HERC2: variants seen among roughly 807,000 people sequenced by gnomAD.
The protein encoded by HERC2 is E3 ubiquitin-protein ligase HERC2.
Under a neutral mutation model 537.7 loss-of-function variants are expected in HERC2, and 102 were observed. That is an observed-to-expected ratio of 0.19 (90% confidence interval 0.16 to 0.22). HERC2 has a LOEUF of 0.22. Among genes scored for constraint, HERC2 ranks in the 10% least tolerant of loss-of-function variants. HERC2 has a pLI of 1.00. For synonymous variants in HERC2, 2,224 were observed against 2,466.2 expected (o/e 0.90, Z 2.91); for missense variants, 4,236 against 6,198.2 (o/e 0.68, Z 10.63).
intron 4 of HERC2, among the ~76,000 whole-genome samples, chr15:28,286,527 T>C (rs1212412086): frequency 1.3e-5 from 2 of 152,144 alleles, no homozygotes; most frequent in Admixed American, 6.5e-5. Context: ...TACATATCAA[T>C]TGATTTAGAA....
intron 48 of HERC2, 128 bp from the exon 49 acceptor site, chr15:28,198,897 T>A: frequency 1.1e-6 from 1 of 885,432 alleles, no homozygotes; most frequent in East Asian, 2.5e-5. Flanking sequence ...TCTGTAATCC[T>A]AGCACTTTGG....
chr15:28,113,511 T>C lies in HERC2; in HGVS notation c.14019+62A>G. The C allele has an allele frequency of 1.4e-6, 2 of 1,407,094 alleles. No homozygotes were observed. The highest frequency in any genetic ancestry group is 2.0e-6 in the Non-Finnish European group (2 of 993,334). 87.2% of individuals were successfully genotyped at this position (1,407,094 alleles called of 1,614,324 possible). On this transcript the variant is annotated intron_variant, in intron 91 of 92. Transcript: ENST00000261609. The surrounding 1 kb of genome is among the most constrained non-coding windows in gnomAD (Gnocchi z 7.0). Reference sequence around the variant, plus strand: ...AGGTTCTGACTCTAACTGCTGTCACTGATTTGTGGGTCAGCAGGCAAAAGG... The same window carrying C: ...AGGTTCTGACTCTAACTGCTGTCACCGATTTGTGGGTCAGCAGGCAAAAGG...
At chr15:28,218,710 G>A (rs1900192946) in intron 37 of HERC2, 39 bp from the exon 38 acceptor site, 1 of 1,489,264 alleles carries the variant, frequency 6.7e-7, no homozygotes, top group African/African-American at 1.4e-5. Context: ...ATATTCCCAA[G>A]TAAAACTGGA....
At chr15:28,143,786 T>C in intron 74 of HERC2, 87 bp downstream of exon 74, 2 of 1,545,010 alleles carry the variant, frequency 1.3e-6, no homozygotes, top group South Asian at 1.2e-5. Flanking sequence ...CCAACTCCTC[T>C]CAACGATTTA....
intron 65 of HERC2, among the ~76,000 whole-genome samples, chr15:28,174,075 G>T (rs182440569): frequency 2.3e-3 from 347 of 152,066 alleles, no homozygotes; most frequent in African/African-American, 8.0e-3. Context: ...ACTGAATAAA[G>T]CTGTTAAAAA....
chr15:28,149,104 A>G (rs1171438558), intron 70 of HERC2, among the ~76,000 whole-genome samples: 1 of 152,004 alleles, frequency 6.6e-6, no homozygotes. Context: ...GAACAGCCAC[A>G]CGAACGTATA....
chr15:28,319,438 G>C (rs199863569), intron 2 of HERC2, among the ~76,000 whole-genome samples: 1 of 147,506 alleles, frequency 6.8e-6, no homozygotes, highest in South Asian at 2.2e-4. Flanking sequence ...AAAATTAGTC[G>C]GGCATGCATG....
At chr15:28,172,658 T>C (rs1894812411) in intron 65 of HERC2, among the ~76,000 whole-genome samples, 1 of 152,206 alleles carries the variant, frequency 6.6e-6, no homozygotes, top group Admixed American at 6.5e-5. Context: ...ACTACAAAAC[T>C]TCTATAACAG....
chr15:28,295,187 T>C (rs2076428685), intron 3 of HERC2, among the ~76,000 whole-genome samples: 1 of 151,572 alleles, frequency 6.6e-6, no homozygotes, highest in Non-Finnish European at 1.5e-5. Flanking sequence ...TAAAACAGCC[T>C]CCAGTTTACC....
At chr15:28,295,308 T>TTTGG (rs1555455007) in intron 3 of HERC2, among the ~76,000 whole-genome samples, 1 of 79,622 alleles carries the variant, frequency 1.3e-5, no homozygotes, top group African/African-American at 4.8e-5. Context: ...TACATGTGTG[T>TTTGG]GGGGGGGGGG....
At chr15:28,260,232 C>T in intron 16 of HERC2, among the ~76,000 whole-genome samples, 1 of 151,790 alleles carries the variant, frequency 6.6e-6, no homozygotes, top group African/African-American at 2.4e-5. Flanking sequence ...TCATGTAATA[C>T]ACCATACTAA....
intron 89 of HERC2, chr15:28,115,178 C>T: frequency 1.9e-6 from 1 of 516,424 alleles, no homozygotes; most frequent in Non-Finnish European, 3.4e-6. Context: ...TGCCCAAAAG[C>T]TCAGCTTCTT....
At position 28,248,693 on chromosome 15, in the gene HERC2, G is replaced by A. The variant is rs551507679; in HGVS notation, c.3094C>T (p.Arg1032Cys). 50 of 1,613,964 alleles carry A rather than the reference G, an allele frequency of 3.1e-5. No individual in the cohort carries two copies. The highest frequency in any genetic ancestry group is 1.9e-4 in the South Asian group (17 of 91,072). Residue 1032 changes from arginine to cysteine, a missense_variant, in exon 21 of 93, where the codon CGT (arginine) becomes TGT (cysteine). By Grantham distance (180) the Arg-to-Cys change is radical (BLOSUM62 -3). Transcript: ENST00000261609. ...AAGTCCAGACATGATGAAATCCGAC[G>A]GGCAACATCTTTCAATCTGGCTACA... ...QTVARLKDVARRISSCLDFEQ... is the reference protein window; with the variant it reads ...QTVARLKDVACRISSCLDFEQ...
At chr15:28,162,124 G>A (rs969379022) in intron 69 of HERC2, among the ~76,000 whole-genome samples, 1 of 152,180 alleles carries the variant, frequency 6.6e-6, no homozygotes, top group Non-Finnish European at 1.5e-5. Flanking sequence ...GAGGTCAGCA[G>A]TTCCAGACCA....
intron 2 of HERC2, among the ~76,000 whole-genome samples, chr15:28,307,834 G>T (rs1596456231): frequency 6.6e-6 from 1 of 152,274 alleles, no homozygotes; most frequent in Middle Eastern, 3.4e-3. Context: ...GTATGTTCTT[G>T]GTACCTTTGT....
Position 28,130,599 on chromosome 15 carries a change from A to AG in HERC2, c.12571-6dup, listed in dbSNP as rs1424417544. The AG allele has an allele frequency of 4.4e-6, 7 of 1,602,780 alleles. No homozygotes were observed. The African/African-American group carries it at 5.4e-5, about 12-fold the overall frequency. On this transcript the variant is annotated splice_polypyrimidine_tract_variant and splice_region_variant and intron_variant, in intron 81 of 92. Coordinates refer to ENST00000261609, the MANE Select transcript of HERC2 (RefSeq NM_004667.6). ...AAGACCAGTAAGAGAATCAATCTAGAGGGGGAAAAGGTTCAATTAGACAGA... is the reference window on the plus strand; with the variant it reads ...AAGACCAGTAAGAGAATCAATCTAGAGGGGGGAAAAGGTTCAATTAGACAGA...
intron 65 of HERC2, among the ~76,000 whole-genome samples, chr15:28,173,723 A>C (rs556754732): frequency 6.7e-6 from 1 of 150,148 alleles, no homozygotes; most frequent in South Asian, 2.2e-4. Context: ...GGATCACTTG[A>C]GCCCAGGAGG....
intron 79 of HERC2, among the ~76,000 whole-genome samples, chr15:28,133,921 A>C (rs8039411): frequency 6.6e-6 from 1 of 152,200 alleles, no homozygotes; most frequent in African/African-American, 2.4e-5. Context: ...GGTAGTGCAA[A>C]TCTTCCGACC....
At position 28,113,305 on chromosome 15, in the gene HERC2, G is replaced by A; in HGVS notation, c.14020-22C>T. 1 of 1,609,768 alleles carries A rather than the reference G, an allele frequency of 6.2e-7. No individual in the cohort carries two copies. On this transcript the variant is annotated intron_variant, in intron 91 of 92. Transcript: ENST00000261609. This position sits in a 1 kb window ranked among gnomAD's most constrained non-coding sequence, Gnocchi z 7.0. ...ACACCTGCGGGAGGATGTCTGTCAG[G>A]GCCGCGTGATGCTTCCCACCCTGGC...
Sources: allele counts gnomAD v4.1 joint callset (sites outside exome capture counted in the v4.1 genomes callset), GRCh38; gene constraint gnomAD v4.1.1; non-coding constraint Gnocchi (gnomAD v3.1); transcripts MANE v1.5; gene names NCBI Gene and HGNC (gene_info 2026-07-23, HGNC 2026-07-21).